The following MRM1 variants were observed in gnomAD, a reference collection of about 807,000 sequenced individuals.
The protein encoded by MRM1 is rRNA methyltransferase 1, mitochondrial.
In MRM1, 24 loss-of-function variants were observed where a neutral mutation model predicts 25.0. The ratio of observed to expected loss-of-function variants is 0.96; its 90% CI spans 0.69 to 1.35. MRM1 has a LOEUF of 1.35. Among genes scored for constraint, MRM1 ranks in the 40% most tolerant of loss-of-function variants. The pLI is 0.00. For synonymous variants in MRM1, 188 were observed against 199.2 expected (o/e 0.94, Z 0.47); for missense variants, 431 against 464.1 (o/e 0.93, Z 0.65).
In MRM1 at chr17:36,608,775, T is replaced by G; in HGVS notation, c.*360T>G. On this transcript the variant is annotated 3_prime_UTR_variant, in exon 5 of 5. Transcript: ENST00000614766. ...TTCCTCTTGAACCAGTCATTGCCTG[T>G]GGCAAATGTGTGTATGAGAATGTGG... 2.6e-5 allele frequency: 5 copies of G among 192,784 alleles called. No individual in the cohort carries two copies. Among genetic ancestry groups the G allele is most frequent in the Non-Finnish European group, 5.2e-5 (5 of 95,700 alleles). 11.9% of individuals were successfully genotyped at this position (192,784 alleles called of 1,614,324 possible).
At chr17:36,607,218 G>A (rs1567848411) in intron 2 of MRM1, among the ~76,000 whole-genome samples, 1 of 152,122 alleles carries the variant, frequency 6.6e-6, no homozygotes, top group Non-Finnish European at 1.5e-5. Context: ...CCTGGGCCAG[G>A]CTAGTTTTGA....
chr17:36,609,756 A>G (rs571032490), downstream of MRM1, among the ~76,000 whole-genome samples: 1 of 152,178 alleles, frequency 6.6e-6, no homozygotes, highest in Non-Finnish European at 1.5e-5. Context: ...GAATAATCCT[A>G]CCTTCCTGGA....
the MRM1 span, among the ~76,000 whole-genome samples, chr17:36,614,073 G>GATGATGACGATGACA: frequency 6.6e-6 from 1 of 151,912 alleles, no homozygotes; most frequent in Non-Finnish European, 1.5e-5. Flanking sequence ...TTTTCAATGC[G>GATGATGACGATGACA]ATGATGACGA....
At chr17:36,626,204 G>A in the MRM1 span, among the ~76,000 whole-genome samples, 5 of 152,198 alleles carry the variant, frequency 3.3e-5, no homozygotes, top group Admixed American at 3.3e-4. Flanking sequence ...GGACTTCAGG[G>A]CTGGAGGACT....
intron 2 of MRM1, among the ~76,000 whole-genome samples, chr17:36,606,520 T>G (rs149450360): frequency 1.8e-3 from 271 of 151,668 alleles, no homozygotes; most frequent in African/African-American, 6.3e-3. Flanking sequence ...TCTCAAGAGA[T>G]CCTCGTGTCT....
chr17:36,607,384 G>T (rs1599582352), intron 2 of MRM1, among the ~76,000 whole-genome samples: 1 of 152,038 alleles, frequency 6.6e-6, no homozygotes, highest in Admixed American at 6.6e-5. Flanking sequence ...ACTCTGGGAG[G>T]CCAAGGTGGG....
intron 2 of MRM1, among the ~76,000 whole-genome samples, chr17:36,606,513 CAA>C (rs1359352657): frequency 6.6e-6 from 1 of 150,938 alleles, no homozygotes; most frequent in Non-Finnish European, 1.5e-5. Context: ...CTCCTGGTCT[CAA>C]GAGATCCTCG....
At chr17:36,626,705 C>T in the MRM1 span, among the ~76,000 whole-genome samples, 30 of 152,162 alleles carry the variant, frequency 2.0e-4, no homozygotes, top group Admixed American at 5.9e-4. Context: ...TTGATCATGG[C>T]TCTGTCTTTC....
At chr17:36,608,062 G>T (rs759951372) in intron 4 of MRM1, 44 bp downstream of exon 4, 1 of 1,603,482 alleles carries the variant, frequency 6.2e-7, no homozygotes, top group East Asian at 2.2e-5. Flanking sequence ...CTCTAATCAC[G>T]CAGGTGGGAT....
At chr17:36,614,348 C>A in the MRM1 span, among the ~76,000 whole-genome samples, 1 of 152,116 alleles carries the variant, frequency 6.6e-6, no homozygotes, top group Admixed American at 6.5e-5. Context: ...GGCCTCCTAC[C>A]CAGCCCAGAG....
Position 36,608,059 on chromosome 17 carries a change from C to T in MRM1, c.889+41C>T, listed in dbSNP as rs374230912. On this transcript the variant is annotated intron_variant, in intron 4 of 4. Coordinates refer to ENST00000614766, the MANE Select transcript of MRM1 (RefSeq NM_024864.5). Reference sequence around the variant, plus strand: ...TTTCCCTTTCCTCTATCCCTCTAATCACGCAGGTGGGATTTGATGCCCTCT... The same window carrying T: ...TTTCCCTTTCCTCTATCCCTCTAATTACGCAGGTGGGATTTGATGCCCTCT... 59 of 1,605,624 alleles carry T rather than the reference C, an allele frequency of 3.7e-5. No individual in the cohort carries two copies. In the African/African-American group the frequency reaches 6.7e-4, roughly 18 times the overall value.
chr17:36,615,124 G>A, the MRM1 span, among the ~76,000 whole-genome samples: 2 of 152,184 alleles, frequency 1.3e-5, no homozygotes, highest in Non-Finnish European at 2.9e-5. Flanking sequence ...GATTTTTATG[G>A]AAATGCCTGT....
rs1337887623 is a variant in MRM1 at position 36,602,505 on chromosome 17, G to A, written c.543-48G>A. 1.3e-5 allele frequency: 21 copies of A among 1,612,980 alleles called. No individual in the cohort carries two copies. Among genetic ancestry groups the A allele is most frequent in the Non-Finnish European group, 1.8e-5 (21 of 1,179,098 alleles). On this transcript the variant is annotated intron_variant, in intron 1 of 4. Coordinates refer to ENST00000614766, the MANE Select transcript of MRM1 (RefSeq NM_024864.5). This position sits in a 1 kb window ranked among gnomAD's most constrained non-coding sequence, Gnocchi z 4.1. ...GGGAGCCCTGGGAGGGTAGGGAGCC[G>A]GGCTTGAGATGGCCCAGCCTAATGC...
At chr17:36,628,088 T>G in the MRM1 span, among the ~76,000 whole-genome samples, 1 of 152,236 alleles carries the variant, frequency 6.6e-6, no homozygotes, top group Non-Finnish European at 1.5e-5. Flanking sequence ...GCAAATGCCC[T>G]CTCTCTAATC....
intron 3 of MRM1, 46 bp from the exon 4 acceptor site, chr17:36,607,853 G>A: frequency 6.2e-7 from 1 of 1,611,406 alleles, no homozygotes; most frequent in East Asian, 2.2e-5. Context: ...CCGAGCAACT[G>A]GGTGTCCAGC....
the MRM1 span, among the ~76,000 whole-genome samples, chr17:36,627,915 A>T: frequency 6.6e-6 from 1 of 152,112 alleles, no homozygotes; most frequent in African/African-American, 2.4e-5. Context: ...ACCTCAAGTG[A>T]TCTGCCCACC....
At chr17:36,618,606 T>C in the MRM1 span, among the ~76,000 whole-genome samples, 230 of 151,956 alleles carry the variant, frequency 1.5e-3, no homozygotes, top group African/African-American at 5.5e-3. Flanking sequence ...TGAGAGGAAA[T>C]GGGACAGACG....
At chr17:36,618,703 C>T in the MRM1 span, among the ~76,000 whole-genome samples, 2 of 152,172 alleles carry the variant, frequency 1.3e-5, no homozygotes, top group Non-Finnish European at 2.9e-5. Context: ...GCGCAGCCTC[C>T]GTACAAGGGT....
the MRM1 span, among the ~76,000 whole-genome samples, chr17:36,631,632 C>T: frequency 7.9e-5 from 12 of 152,192 alleles, no homozygotes; most frequent in East Asian, 1.9e-4. Context: ...GTTTGCAGGC[C>T]GTCTGAGCTC....
Sources: allele counts gnomAD v4.1 joint callset (sites outside exome capture counted in the v4.1 genomes callset), GRCh38; gene constraint gnomAD v4.1.1; non-coding constraint Gnocchi (gnomAD v3.1); transcripts MANE v1.5; gene names NCBI Gene and HGNC (gene_info 2026-07-23, HGNC 2026-07-21).